The following SLC7A1 variants were observed in gnomAD, a reference collection of about 807,000 sequenced individuals.
The protein encoded by SLC7A1 is solute carrier family 7 member 1.
A neutral mutation model predicts 53.9 loss-of-function variants in SLC7A1; 10 were observed. That is an observed-to-expected ratio of 0.19 (90% CI 0.11 to 0.31). The LOEUF (loss-of-function observed/expected upper bound fraction) is 0.31. Among genes scored for constraint, SLC7A1 ranks in the 10% least tolerant of loss-of-function variants. The pLI, the probability that SLC7A1 is intolerant of heterozygous loss-of-function variation, is 1.00. For synonymous variants in SLC7A1, 342 were observed against 338.7 expected (o/e 1.01, Z -0.11); for missense variants, 525 against 827.2 (o/e 0.63, Z 4.48).
At chr13:29,559,810 G>A (rs906092230) in intron 1 of SLC7A1, among the ~76,000 whole-genome samples, 2 of 151,692 alleles carry the variant, frequency 1.3e-5, no homozygotes, top group African/African-American at 4.8e-5. Context: ...CCGCCTCCCA[G>A]GTTCACGCCA....
At chr13:29,533,058 G>A in intron 3 of SLC7A1, 76 bp from the exon 4 acceptor site, 1 of 1,423,866 alleles carries the variant, frequency 7.0e-7, no homozygotes, top group Admixed American at 2.2e-5. Flanking sequence ...GCTCCATGTT[G>A]ATAACATCAT....
At chr13:29,584,903 A>G (rs1164617541) in intron 1 of SLC7A1, among the ~76,000 whole-genome samples, 1 of 152,236 alleles carries the variant, frequency 6.6e-6, no homozygotes, top group African/African-American at 2.4e-5. Flanking sequence ...CTTCTTCCCC[A>G]AAATCCTTAA....
At chr13:29,519,667 C>G (rs937398198) in intron 8 of SLC7A1, 118 bp from the exon 9 acceptor site, 54 of 596,384 alleles carry the variant, frequency 9.1e-5, no homozygotes, top group African/African-American at 8.8e-4. Flanking sequence ...CTCCCACCCC[C>G]TCCCTGGCCT....
intron 1 of SLC7A1, among the ~76,000 whole-genome samples, chr13:29,580,089 A>G (rs1202087640): frequency 3.3e-5 from 5 of 152,184 alleles, no homozygotes; most frequent in African/African-American, 1.2e-4. Context: ...CACAGAGGGT[A>G]GCATCTTAGT....
chr13:29,591,552 G>A (rs1872112082), intron 1 of SLC7A1, among the ~76,000 whole-genome samples: 1 of 145,474 alleles, frequency 6.9e-6, no homozygotes, highest in Admixed American at 6.8e-5. Context: ...CGGCAGTGTG[G>A]GATCCACTTT....
chr13:29,567,801 CA>C (rs911620468), intron 1 of SLC7A1, among the ~76,000 whole-genome samples: 1 of 151,978 alleles, frequency 6.6e-6, no homozygotes, highest in African/African-American at 2.4e-5. Context: ...CAGTAATTAC[CA>C]AAGGGAATTA....
At chr13:29,517,498 C>T (rs1868406856) in intron 10 of SLC7A1, 75 bp downstream of exon 10, 9 of 1,331,302 alleles carry the variant, frequency 6.8e-6, no homozygotes, top group Admixed American at 3.4e-5. Context: ...TGGCACCTTC[C>T]CCCAACTCCA....
chr13:29,522,340 G>A lies in SLC7A1; in HGVS notation c.1166C>T (p.Thr389Ile). The A allele has an allele frequency of 6.2e-7, 1 of 1,614,216 alleles. No homozygotes were observed. The highest frequency in any genetic ancestry group is 1.1e-5 in the South Asian group (1 of 91,086). The change falls in exon 8 of 13, where the codon ACA becomes ATA. Residue 389 changes from threonine (T) to isoleucine (I), a missense_variant. Physicochemically the swap from Thr to Ile is moderately conservative, Grantham distance 89 (BLOSUM62 -1). Transcript: ENST00000380752. ...ACCAGCAACGGCACCCGAGGCTAAT[G>A]TGGCGATTATTGGTGTTTTGGTCCT... Reference protein sequence around the residue: ...NDRTKTPIIATLASGAVAAVM... With the variant: ...NDRTKTPIIAILASGAVAAVM...
At chr13:29,560,406 G>A (rs1870700017) in intron 1 of SLC7A1, among the ~76,000 whole-genome samples, 1 of 151,080 alleles carries the variant, frequency 6.6e-6, no homozygotes, top group South Asian at 2.1e-4. Context: ...CTAAAATAAC[G>A]ATAAATAGTA....
At chr13:29,546,134 A>T (rs1869911849) in intron 2 of SLC7A1, among the ~76,000 whole-genome samples, 1 of 152,220 alleles carries the variant, frequency 6.6e-6, no homozygotes, top group South Asian at 2.1e-4. Flanking sequence ...ACCTGTGGGC[A>T]GGTCCGCAGG....
intron 1 of SLC7A1, among the ~76,000 whole-genome samples, chr13:29,564,747 T>C (rs760234120): frequency 1.2e-4 from 19 of 152,376 alleles, no homozygotes; most frequent in Non-Finnish European, 1.8e-4. Flanking sequence ...ACTCTGAATC[T>C]CAATATCCTG....
At chr13:29,556,454 T>A (rs58453779) in intron 1 of SLC7A1, among the ~76,000 whole-genome samples, 2,533 of 152,278 alleles carry the variant, frequency 0.017, 80 homozygotes, top group African/African-American at 0.057. Context: ...CTTGGCTCAC[T>A]GCTGCCTCGA....
intron 1 of SLC7A1, among the ~76,000 whole-genome samples, chr13:29,560,977 A>G (rs1467943889): frequency 6.6e-6 from 1 of 152,210 alleles, no homozygotes; most frequent in Admixed American, 6.5e-5. Context: ...TTATTTTATT[A>G]AACATAATGC....
intron 5 of SLC7A1, among the ~76,000 whole-genome samples, chr13:29,526,301 CA>C (rs34286791): frequency 0.16 from 23,942 of 150,486 alleles, 2,874 homozygotes; most frequent in African/African-American, 0.34. Flanking sequence ...CCCATTAGTA[CA>C]AAAAAAAAAT....
chr13:29,551,675 G>A (rs931652815), intron 2 of SLC7A1, among the ~76,000 whole-genome samples: 26 of 152,168 alleles, frequency 1.7e-4, no homozygotes, highest in Non-Finnish European at 2.2e-4. Flanking sequence ...TGACTGGGGC[G>A]GCGCGGGGAA....
intron 2 of SLC7A1, among the ~76,000 whole-genome samples, chr13:29,552,158 A>G (rs1015141540): frequency 2.0e-5 from 3 of 152,040 alleles, no homozygotes; most frequent in South Asian, 2.1e-4. Flanking sequence ...AATTAACGAT[A>G]TGAACTGCCT....
chr13:29,533,033 G>A, intron 3 of SLC7A1, 51 bp from the exon 4 acceptor site: 1 of 1,538,348 alleles, frequency 6.5e-7, no homozygotes, highest in South Asian at 1.2e-5. Context: ...CTGTTAGCCA[G>A]GTATTTGTAG....
intron 2 of SLC7A1, among the ~76,000 whole-genome samples, chr13:29,548,833 C>T (rs1246536345): frequency 6.6e-6 from 1 of 152,234 alleles, no homozygotes; most frequent in African/African-American, 2.4e-5. Flanking sequence ...AAAACACACA[C>T]CCGTAGTTAC....
chr13:29,585,560 A>G lies in SLC7A1; in HGVS notation c.-115+9856T>C, dbSNP rs554558763. Among the ~76,000 whole-genome samples, 4 of 152,292 alleles carry G rather than the reference A, an allele frequency of 2.6e-5. No individual in the cohort carries two copies. In the East Asian group the frequency reaches 7.7e-4, roughly 29 times the overall value. On this transcript the variant is annotated intron_variant, in intron 1 of 12. Transcript: ENST00000380752. ...TTCTTATTGTAGACTGCGGTCAAAG[A>G]AGTTTAAAAGCCGCCATCCTCGGGA...
Sources: allele counts gnomAD v4.1 joint callset (sites outside exome capture counted in the v4.1 genomes callset), GRCh38; gene constraint gnomAD v4.1.1; transcripts MANE v1.5; gene names NCBI Gene and HGNC (gene_info 2026-07-23, HGNC 2026-07-21).